The following S100A7 variants were observed in gnomAD, a reference collection of about 807,000 sequenced individuals.
The protein encoded by S100A7 is protein S100-A7.
A neutral mutation model predicts 3.8 loss-of-function variants in S100A7; 2 were observed. The ratio of observed to expected loss-of-function variants is 0.53; its 90% CI spans 0.22 to 1.67. The LOEUF (loss-of-function observed/expected upper bound fraction) is 1.67, where lower values mean the gene tolerates loss of function less well. Ranked by LOEUF, S100A7 falls within the 40% of genes most tolerant of loss-of-function variation. S100A7 has a pLI of 0.20. For synonymous variants in S100A7, 55 were observed against 45.9 expected (o/e 1.20, Z -0.80); for missense variants, 130 against 126.3 (o/e 1.03, Z -0.14).
At position 153,460,565 on chromosome 1, in the gene S100A7, A is replaced by C; in HGVS notation, c.-18+43T>G. The stretch of plus-strand genomic sequence containing the variant: ...CTACAGGCAGCATGGCAGGCCAGGC[A>C]CTGGGCACTTCTAGAAAACGCAAAG... On this transcript the variant is annotated intron_variant, in intron 1 of 2. Coordinates refer to ENST00000368723, the MANE Select transcript of S100A7 (RefSeq NM_002963.4). The C allele has an allele frequency of 3.9e-6, 3 of 768,194 alleles. No individual in the cohort carries two copies. In the South Asian group the frequency reaches 4.4e-5, roughly 11 times the overall value. The allele number at this position is 768,194 out of a possible 1,614,324, so 47.6% of individuals were successfully genotyped here.
chr1:153,458,133 G>A (rs546032359), intron 2 of S100A7, among the ~76,000 whole-genome samples, 163 bp from the exon 3 acceptor site: 3 of 152,064 alleles, frequency 2.0e-5, no homozygotes, highest in East Asian at 1.9e-4. Context: ...GGGTGAGGAC[G>A]TGAGTGTTAT....
Position 153,459,030 on chromosome 1 carries a change from C to T in S100A7, c.-17G>A, listed in dbSNP as rs202115105. 1.7e-5 allele frequency: 27 copies of T among 1,609,566 alleles called. No homozygotes were observed. In the African/African-American group the frequency reaches 3.2e-4, roughly 19 times the overall value. On this transcript the variant is annotated splice_region_variant and 5_prime_UTR_variant, in exon 2 of 3. Coordinates refer to ENST00000368723, the MANE Select transcript of S100A7 (RefSeq NM_002963.4). ...GTTGCTCATCTTTGCTTTCAAAAAG[C>T]CTTCAGGAAATAAAGACAATCATTT...
Position 153,457,839 on chromosome 1 carries a change from A to C in S100A7, c.273T>G (p.His91Gln), listed in dbSNP as rs1663725141. The stretch of plus-strand genomic sequence containing the variant: ...TGCCCCCGGAACAGGGCGCTGCTCC[A>C]TGGCTCTGCTTGTGGTAGTCTGTGG... ...DIATDYHKQSHGAAPCSGGSQ is the reference protein window; with the variant it reads ...DIATDYHKQSQGAAPCSGGSQ Residue 91 changes from histidine (H) to glutamine (Q), a missense_variant, in exon 3 of 3, where the codon CAT becomes CAG. Transcript: ENST00000368723. 6.2e-7 allele frequency: 1 copy of C among 1,614,188 alleles called. No homozygotes were observed. Among genetic ancestry groups the C allele is most frequent in the African/African-American group, 1.3e-5 (1 of 75,048 alleles).
intron 1 of S100A7, among the ~76,000 whole-genome samples, chr1:153,459,446 G>A (rs953717005): frequency 6.6e-6 from 1 of 152,210 alleles, no homozygotes; most frequent in African/African-American, 2.4e-5. Context: ...ATGGGGGCAG[G>A]ACAATGGCCT....
intron 1 of S100A7, chr1:153,459,848 A>T (rs999677393): frequency 6.6e-6 from 1 of 152,230 alleles, no homozygotes; most frequent in Non-Finnish European, 1.5e-5. Flanking sequence ...GCCAGTAGTC[A>T]GTCTGGGCTG....
chr1:153,459,065 C>T, intron 1 of S100A7, 35 bp from the exon 2 acceptor site: 1 of 1,601,446 alleles, frequency 6.2e-7, no homozygotes. Context: ...TTTTTCCCTT[C>T]ATTTAAGTTA....
chr1:153,460,365 A>G (rs1324015231), intron 1 of S100A7, among the ~76,000 whole-genome samples: 1 of 152,158 alleles, frequency 6.6e-6, no homozygotes, highest in Admixed American at 6.5e-5. Flanking sequence ...CACTGGGGAC[A>G]TTTCCACAGG....
Position 153,460,647 on chromosome 1 carries a change from T to C in S100A7, c.-57A>G. 1.7e-6 allele frequency: 2 copies of C among 1,200,708 alleles called. No homozygotes were observed. Among genetic ancestry groups the C allele is most frequent in the East Asian group, 2.6e-5 (1 of 38,978 alleles). The allele number at this position is 1,200,708 out of a possible 1,614,324, so 74.4% of individuals were successfully genotyped here. A position where few individuals can be genotyped will look rare whatever the true frequency, so the allele number is the denominator to read the frequency against. On this transcript the variant is annotated 5_prime_UTR_variant, in exon 1 of 3. Coordinates refer to ENST00000368723, the MANE Select transcript of S100A7 (RefSeq NM_002963.4). ...GTCACGAGTAGAAGGATGAGTGAGA[T>C]GTGTGTGTTTGGACAAAGAGCAGTC...
chr1:153,458,837 T>A, intron 2 of S100A7, 36 bp downstream of exon 2: 1 of 1,610,260 alleles, frequency 6.2e-7, no homozygotes, highest in Non-Finnish European at 8.5e-7. Flanking sequence ...TAGCAAAATG[T>A]ATCCTCCAAC....
At chr1:153,459,498 C>A (rs966558974) in intron 1 of S100A7, among the ~76,000 whole-genome samples, 2 of 152,206 alleles carry the variant, frequency 1.3e-5, no homozygotes, top group East Asian at 1.9e-4. Context: ...CTTCAGGAAC[C>A]AGACACCGTG....
In S100A7 at chr1:153,457,843, C is replaced by T; in HGVS notation, c.269G>A (p.Ser90Asn). ...CCCGGAACAGGGCGCTGCTCCATGG[C>T]TCTGCTTGTGGTAGTCTGTGGCTAT... Reference protein sequence around the residue: ...GDIATDYHKQSHGAAPCSGGS... With the variant: ...GDIATDYHKQNHGAAPCSGGS... Residue 90 changes from serine (S) to asparagine (N), a missense_variant, in exon 3 of 3, where the codon AGC (serine) becomes AAC (asparagine). Coordinates refer to ENST00000368723, the MANE Select transcript of S100A7 (RefSeq NM_002963.4). 1.2e-6 allele frequency: 2 copies of T among 1,614,152 alleles called. No homozygotes were observed. Among genetic ancestry groups the T allele is most frequent in the Admixed American group, 1.7e-5 (1 of 60,026 alleles).
chr1:153,460,003 C>G (rs912076578), intron 1 of S100A7: 5 of 152,436 alleles, frequency 3.3e-5, no homozygotes, highest in African/African-American at 1.2e-4. Flanking sequence ...AAGCTCCATG[C>G]CGGCAACTGA....
At chr1:153,458,442 C>T (rs1369185344) in intron 2 of S100A7, among the ~76,000 whole-genome samples, 1 of 152,142 alleles carries the variant, frequency 6.6e-6, no homozygotes, top group East Asian at 1.9e-4. Flanking sequence ...TACCTAGTAG[C>T]CCACAGTTTT....
In S100A7 at chr1:153,460,235, G is replaced by T. The variant is rs78240518; in HGVS notation, c.-18+373C>A. On this transcript the variant is annotated intron_variant, in intron 1 of 2. Transcript: ENST00000368723. ...GAGAGCCTCCAAAGCATTCACAGGG[G>T]ACCCCTAGCCCTCCACCCTCTGTGG... 3.6e-3 allele frequency among the ~76,000 whole-genome samples: 556 copies of T among 152,342 alleles called. 1 individual carries two copies. The highest frequency in any genetic ancestry group is 0.013 in the African/African-American group (521 of 41,590).
At position 153,457,957 on chromosome 1, in the gene S100A7, G is replaced by C. The variant is rs767744536; in HGVS notation, c.155C>G (p.Thr52Arg). ...NFLSACDKKGTNYLADVFEKK... is the reference protein window; with the variant it reads ...NFLSACDKKGRNYLADVFEKK... The stretch of plus-strand genomic sequence containing the variant: ...CTCAAAGACATCGGCGAGGTAATTT[G>C]TGCCCTTTTTGTCCTGTGAAGAGAA... The change falls in exon 3 of 3, where the codon ACA (threonine) becomes AGA (arginine). Residue 52 changes from threonine (T) to arginine (R), a missense_variant. By Grantham distance (71) the Thr-to-Arg change is moderately conservative. Coordinates refer to ENST00000368723, the MANE Select transcript of S100A7 (RefSeq NM_002963.4). 6.2e-7 allele frequency: 1 copy of C among 1,613,778 alleles called. No homozygotes were observed. Among genetic ancestry groups the C allele is most frequent in the Admixed American group, 1.7e-5 (1 of 59,966 alleles).
In S100A7 at chr1:153,457,834, G is replaced by T; in HGVS notation, c.278C>A (p.Ala93Glu). Reference protein sequence around the residue: ...ATDYHKQSHGAAPCSGGSQ With the variant: ...ATDYHKQSHGEAPCSGGSQ ...CTGGCTGCCCCCGGAACAGGGCGCT[G>T]CTCCATGGCTCTGCTTGTGGTAGTC... The change falls in exon 3 of 3, where the codon GCA (alanine) becomes GAA (glutamate). Residue 93 changes from alanine to glutamate, a missense_variant. By Grantham distance (107) the Ala-to-Glu change is moderately radical. Coordinates refer to ENST00000368723, the MANE Select transcript of S100A7 (RefSeq NM_002963.4). 6.2e-7 allele frequency: 1 copy of T among 1,614,188 alleles called. No individual in the cohort carries two copies. Among genetic ancestry groups the T allele is most frequent in the Non-Finnish European group, 8.5e-7 (1 of 1,180,030 alleles).
chr1:153,460,317 G>C (rs1237038069), intron 1 of S100A7, among the ~76,000 whole-genome samples: 1 of 152,234 alleles, frequency 6.6e-6, no homozygotes, highest in African/African-American at 2.4e-5. Context: ...GATGAATCCA[G>C]GGAGGAAGAG....
chr1:153,460,614 TG>T lies in S100A7; in HGVS notation c.-25del. 2 of 1,180,112 alleles carry T rather than the reference TG, an allele frequency of 1.7e-6. No homozygotes were observed. The highest frequency in any genetic ancestry group is 1.2e-6 in the Non-Finnish European group (1 of 812,342). 73.1% of individuals were successfully genotyped at this position (1,180,112 alleles called of 1,614,324 possible). ...AGAGGCAGGTGAGACTTACCAGAGC[TG>T]GGAAGCGTCACGAGTAGAAGGATGA... On this transcript the variant is annotated 5_prime_UTR_variant, in exon 1 of 3. Coordinates refer to ENST00000368723, the MANE Select transcript of S100A7 (RefSeq NM_002963.4).
intron 1 of S100A7, 107 bp from the exon 2 acceptor site, chr1:153,459,137 G>T: frequency 7.4e-7 from 1 of 1,360,470 alleles, no homozygotes; most frequent in Non-Finnish European, 1.0e-6. Flanking sequence ...CGGATAAGGT[G>T]TAGCAGAACG....
Sources: gnomAD v4.1 joint callset for allele counts (sites outside exome capture counted in the v4.1 genomes callset) on GRCh38, gnomAD v4.1.1 for gene constraint, MANE v1.5 for transcripts, NCBI Gene and HGNC (gene_info 2026-07-23, HGNC 2026-07-21) for gene names.